The following ROBO2 variants were observed in gnomAD, a reference collection of about 807,000 sequenced individuals.
ROBO2 encodes roundabout homolog 2.
In ROBO2, 53 loss-of-function variants were observed where a neutral mutation model predicts 160.8. The observed-to-expected ratio is 0.33, with a 90% CI of 0.26 to 0.41. The LOEUF is 0.41. ROBO2 is among the 10% of genes least tolerant of loss of function. The pLI is 1.00. For missense variants in ROBO2, 1,577 were observed against 1,722.4 expected (o/e 0.92, Z 1.49); for synonymous variants, 664 against 611.7 (o/e 1.09, Z -1.26).
chr3:77,073,203 A>G (rs1410374588), intron 1 of ROBO2, among the ~76,000 whole-genome samples: 1 of 152,236 alleles, frequency 6.6e-6, no homozygotes, highest in Non-Finnish European at 1.5e-5. Context: ...AATCATTCCC[A>G]TTAAAAATAG....
At chr3:77,066,675 T>C (rs1166295263) in intron 1 of ROBO2, among the ~76,000 whole-genome samples, 2 of 152,152 alleles carry the variant, frequency 1.3e-5, no homozygotes, top group Non-Finnish European at 2.9e-5. Flanking sequence ...ATATAATCTG[T>C]ATTTCTTAGG....
chr3:76,501,062 T>A (rs1218925209), intron 2 of ROBO2, among the ~76,000 whole-genome samples: 1 of 152,162 alleles, frequency 6.6e-6, no homozygotes, highest in Non-Finnish European at 1.5e-5. Context: ...AAGCTGGAAA[T>A]GAATGCCAAA....
chr3:76,867,260 G>C (rs1185449596), intron 2 of ROBO2, among the ~76,000 whole-genome samples: 1 of 152,118 alleles, frequency 6.6e-6, no homozygotes, highest in Non-Finnish European at 1.5e-5. Context: ...CTGTCATAAA[G>C]CATTCGTTTA....
At chr3:77,634,903 C>T in exon 24 of ROBO2, 3 of 1,614,104 alleles carry the variant, frequency 1.9e-6, no homozygotes, top group Non-Finnish European at 2.5e-6. Context: ...AGACCTCGAC[C>T]TACCAGCCCA....
At chr3:76,750,474 G>T (rs1425763605) in intron 2 of ROBO2, among the ~76,000 whole-genome samples, 1 of 152,080 alleles carries the variant, frequency 6.6e-6, no homozygotes, top group Non-Finnish European at 1.5e-5. Flanking sequence ...AAGAAATAAA[G>T]GGTATTCAAT....
chr3:77,428,635 C>A (rs1259692066), intron 2 of ROBO2, among the ~76,000 whole-genome samples: 1 of 151,954 alleles, frequency 6.6e-6, no homozygotes, highest in African/African-American at 2.4e-5. Context: ...GGATTACAGG[C>A]GTGAGCCACC....
chr3:76,740,940 A>G (rs999723871), intron 2 of ROBO2, among the ~76,000 whole-genome samples: 1 of 152,074 alleles, frequency 6.6e-6, no homozygotes, highest in Non-Finnish European at 1.5e-5. Context: ...TACTTGCCTT[A>G]TCTTATCCTT....
chr3:76,170,584 C>T (rs953274868), intron 2 of ROBO2, among the ~76,000 whole-genome samples: 2 of 152,122 alleles, frequency 1.3e-5, no homozygotes, highest in African/African-American at 2.4e-5. Flanking sequence ...TGTTTAGGCT[C>T]TCAAGCCAGC....
At chr3:76,151,168 C>A (rs751314878) in intron 2 of ROBO2, among the ~76,000 whole-genome samples, 1 of 152,118 alleles carries the variant, frequency 6.6e-6, no homozygotes, top group Non-Finnish European at 1.5e-5. Flanking sequence ...TTGAGGCCCT[C>A]ATTCATATAA....
upstream of ROBO2, among the ~76,000 whole-genome samples, chr3:77,034,980 A>G (rs1360119708): frequency 1.3e-5 from 2 of 151,924 alleles, no homozygotes; most frequent in Non-Finnish European, 2.9e-5. Context: ...TGATATCAGT[A>G]ACAAGAAATG....
chr3:76,486,586 T>C (rs889314974), intron 2 of ROBO2, among the ~76,000 whole-genome samples: 4 of 152,198 alleles, frequency 2.6e-5, no homozygotes, highest in African/African-American at 7.2e-5. Flanking sequence ...TGAAAACTCA[T>C]ATATCTTTGA....
intron 2 of ROBO2, among the ~76,000 whole-genome samples, chr3:76,156,037 G>A (rs1352107202): frequency 6.6e-6 from 1 of 151,780 alleles, no homozygotes; most frequent in Non-Finnish European, 1.5e-5. Context: ...CTCCCTGCCT[G>A]TTTCTTCTCT....
chr3:76,368,458 C>T (rs1261426600), intron 2 of ROBO2, among the ~76,000 whole-genome samples: 2 of 151,834 alleles, frequency 1.3e-5, no homozygotes, highest in Non-Finnish European at 2.9e-5. Flanking sequence ...AGAAATAATA[C>T]AGAAGGTTGA....
rs560136669 is a variant in ROBO2, at chr3:77,173,659, A to T, written c.388+75319A>T. Among the ~76,000 whole-genome samples the T allele has an allele frequency of 2.0e-5, 3 of 152,148 alleles. 1 individual carries two copies. The highest frequency in any genetic ancestry group is 2.0e-4 in the Admixed American group (3 of 15,246). On this transcript the variant is annotated intron_variant, in intron 2 of 25. Coordinates refer to ENST00000461745, the Ensembl canonical transcript of ROBO2. ...TACGTAGAAGACATATGTGTGTTGTATAAATTTATTCTAAGGCATTATTCA... is the reference window on the plus strand; with the variant it reads ...TACGTAGAAGACATATGTGTGTTGTTTAAATTTATTCTAAGGCATTATTCA...
At chr3:77,407,296 A>C (rs1362472472) in intron 2 of ROBO2, among the ~76,000 whole-genome samples, 1 of 152,134 alleles carries the variant, frequency 6.6e-6, no homozygotes, top group Non-Finnish European at 1.5e-5. Flanking sequence ...TTCTAAAAAA[A>C]AATCAACTCT....
rs149495976 is a variant in ROBO2, at chr3:76,057,356, G to T, written c.109+119754G>T. Reference sequence around the variant, plus strand: ...TCCTCAGTACCTCAGGAGGAACAAAGCTTCTTATGCTTAGAGATGTTAACA... The same window carrying T: ...TCCTCAGTACCTCAGGAGGAACAAATCTTCTTATGCTTAGAGATGTTAACA... On this transcript the variant is annotated intron_variant, in intron 2 of 26. Transcript: ENST00000487694. Among the ~76,000 whole-genome samples the T allele has an allele frequency of 4.7e-4, 71 of 152,248 alleles. No homozygotes were observed. The East Asian group carries it at 0.012, about 27-fold the overall frequency.
intron 2 of ROBO2, among the ~76,000 whole-genome samples, chr3:76,368,317 C>G (rs11706938): frequency 1.3e-5 from 2 of 151,878 alleles, no homozygotes; most frequent in African/African-American, 2.4e-5. Context: ...CAAATTACCC[C>G]AAAACTTAGC....
intron 2 of ROBO2, among the ~76,000 whole-genome samples, chr3:77,285,002 G>A (rs2153377413): frequency 1.3e-5 from 2 of 152,212 alleles, no homozygotes; most frequent in African/African-American, 4.8e-5. Context: ...CAACATGGAT[G>A]ATCTTACAGG....
chr3:76,762,062 A>G (rs1324073921), intron 2 of ROBO2, among the ~76,000 whole-genome samples: 1 of 151,508 alleles, frequency 6.6e-6, no homozygotes, highest in Non-Finnish European at 1.5e-5. Flanking sequence ...GTAGAGTTCA[A>G]CCTAAGTTGA....
Sources: allele counts gnomAD v4.1 joint callset (sites outside exome capture counted in the v4.1 genomes callset), GRCh38; gene constraint gnomAD v4.1.1; transcripts MANE v1.5; gene names NCBI Gene and HGNC (gene_info 2026-07-23, HGNC 2026-07-21).